The following CSMD1 variants were observed in gnomAD, a reference collection of about 807,000 sequenced individuals.
The protein encoded by CSMD1 is CUB and sushi domain-containing protein 1.
In CSMD1, 213 loss-of-function variants were observed where a neutral mutation model predicts 417.5. The ratio of observed to expected loss-of-function variants is 0.51; its 90% CI spans 0.46 to 0.57. The LOEUF (loss-of-function observed/expected upper bound fraction) is 0.57. Among genes scored for constraint, CSMD1 ranks in the 20% least tolerant of loss-of-function variants. The probability of loss-of-function intolerance (pLI) is 0.00; values close to 1 mark genes in which losing one functional copy is unlikely to be tolerated. For missense variants in CSMD1, 6,923 were observed against 4,529.7 expected, an observed-to-expected ratio of 1.53 and a Z score of -15.17; for synonymous variants, 2,862 against 1,736.8, an observed-to-expected ratio of 1.65 and a Z score of -16.11.
At chr8:3,856,560 T>A (rs1391316698) in intron 5 of CSMD1, among the ~76,000 whole-genome samples, 1 of 152,178 alleles carries the variant, frequency 6.6e-6, no homozygotes, top group Non-Finnish European at 1.5e-5. Flanking sequence ...CATGCGGCAC[T>A]GGGGCCTGAG....
intron 1 of CSMD1, among the ~76,000 whole-genome samples, chr8:4,854,681 C>A (rs1801689461): frequency 6.6e-6 from 1 of 152,116 alleles, no homozygotes; most frequent in Non-Finnish European, 1.5e-5. Context: ...GGGTCACTCC[C>A]ACCCGAATAC....
At chr8:4,068,166 G>A (rs4445244) in intron 3 of CSMD1, among the ~76,000 whole-genome samples, 16,526 of 152,208 alleles carry the variant, frequency 0.11, 1,071 homozygotes, top group Non-Finnish European at 0.15. Flanking sequence ...GTCATTTAGG[G>A]TTTTCTTAGG....
chr8:4,349,262 T>G (rs561110443), intron 3 of CSMD1, among the ~76,000 whole-genome samples: 36 of 152,316 alleles, frequency 2.4e-4, no homozygotes, highest in Non-Finnish European at 4.6e-4. Flanking sequence ...TACAGACCAG[T>G]GGTTTTCAAA....
intron 6 of CSMD1, among the ~76,000 whole-genome samples, chr8:3,709,008 A>G (rs1801339827): frequency 6.6e-6 from 1 of 152,204 alleles, no homozygotes; most frequent in Non-Finnish European, 1.5e-5. Flanking sequence ...TGCTGTAGAT[A>G]AAGTGCTAGA....
At chr8:3,758,638 C>G (rs1797810409) in intron 5 of CSMD1, among the ~76,000 whole-genome samples, 1 of 152,190 alleles carries the variant, frequency 6.6e-6, no homozygotes, top group Admixed American at 6.5e-5. Flanking sequence ...ATTGTGAACT[C>G]TCTAACAACT....
At chr8:3,739,497 T>G (rs1358050925) in intron 6 of CSMD1, among the ~76,000 whole-genome samples, 1 of 152,212 alleles carries the variant, frequency 6.6e-6, no homozygotes, top group Non-Finnish European at 1.5e-5. Context: ...TGTTTCAAAA[T>G]ATCTCTCTGT....
intron 50 of CSMD1, among the ~76,000 whole-genome samples, chr8:3,041,392 G>C (rs562555610): frequency 3.9e-5 from 6 of 151,940 alleles, no homozygotes; most frequent in Non-Finnish European, 5.9e-5. Flanking sequence ...AAGAATCCCA[G>C]GTAATATCAT....
At chr8:4,423,663 A>C (rs1797378668) in intron 2 of CSMD1, among the ~76,000 whole-genome samples, 1 of 152,026 alleles carries the variant, frequency 6.6e-6, no homozygotes, top group Admixed American at 6.6e-5. Flanking sequence ...CACAATTTCC[A>C]CCAAAATCCC....
chr8:4,433,762 T>C (rs1405599882), intron 2 of CSMD1, among the ~76,000 whole-genome samples: 2 of 152,176 alleles, frequency 1.3e-5, no homozygotes, highest in Non-Finnish European at 1.5e-5. Flanking sequence ...TTTATGAATT[T>C]ATAGATGGAG....
rs765074840 is a variant in CSMD1 at position 2,974,563 on chromosome 8, G to A, written c.8628C>T (p.Thr2876=). 2 of 1,613,082 alleles carry A rather than the reference G, an allele frequency of 1.2e-6. No individual in the cohort carries two copies. Among genetic ancestry groups the A allele is most frequent in the Non-Finnish European group, 8.5e-7 (1 of 1,179,496 alleles). ...AGGAGTAGTGCACGACGGCGCCATA[G>A]GTAAACAGCTCTCCAGTGAGGACGG... is the stretch of plus-strand genomic sequence containing the variant. ...ANAVLTGELF[T]YGAVVHYSCR... The change falls in exon 56 of 70, where the codon ACC becomes ACT. Residue 2876 remains threonine, a synonymous_variant. Coordinates refer to ENST00000635120, the MANE Select transcript of CSMD1 (RefSeq NM_033225.6).
chr8:4,404,069 G>C (rs1251953781), intron 3 of CSMD1, among the ~76,000 whole-genome samples: 1 of 152,122 alleles, frequency 6.6e-6, no homozygotes, highest in East Asian at 1.9e-4. Flanking sequence ...CTACGCCAGA[G>C]CTTTTTACGT....
At chr8:4,576,103 C>A (rs548809507) in intron 2 of CSMD1, among the ~76,000 whole-genome samples, 4 of 152,212 alleles carry the variant, frequency 2.6e-5, no homozygotes, top group East Asian at 1.9e-4. Context: ...ACCATTCAAC[C>A]TCCTCTTTAT....
chr8:3,780,694 G>C (rs1158925545), intron 5 of CSMD1, among the ~76,000 whole-genome samples: 3 of 152,192 alleles, frequency 2.0e-5, no homozygotes, highest in African/African-American at 7.2e-5. Flanking sequence ...TCGGCAGAAA[G>C]AGCCCAGCCT....
intron 3 of CSMD1, among the ~76,000 whole-genome samples, chr8:4,192,318 C>T (rs866634709): frequency 2.0e-5 from 3 of 152,168 alleles, no homozygotes; most frequent in Non-Finnish European, 4.4e-5. Flanking sequence ...TACATTGTCC[C>T]ATCAAGCTTC....
chr8:3,744,073 T>A (rs572396125), intron 6 of CSMD1, among the ~76,000 whole-genome samples: 1 of 152,194 alleles, frequency 6.6e-6, no homozygotes, highest in African/African-American at 2.4e-5. Flanking sequence ...GAGAAGGACA[T>A]AGACCTGTCT....
chr8:4,227,880 C>G (rs1285355238), intron 3 of CSMD1, among the ~76,000 whole-genome samples: 1 of 144,576 alleles, frequency 6.9e-6, no homozygotes, highest in African/African-American at 2.6e-5. Flanking sequence ...ATCCTACATT[C>G]AACCCCACAC....
chr8:3,567,045 A>G (rs1417868407), intron 10 of CSMD1, among the ~76,000 whole-genome samples: 1 of 152,246 alleles, frequency 6.6e-6, no homozygotes, highest in African/African-American at 2.4e-5. Flanking sequence ...TCGATGGTAG[A>G]CTGGATAAAG....
At chr8:4,850,766 C>T (rs1314945037) in intron 1 of CSMD1, among the ~76,000 whole-genome samples, 1 of 151,956 alleles carries the variant, frequency 6.6e-6, no homozygotes, top group Non-Finnish European at 1.5e-5. Context: ...TTCTTTCAAC[C>T]CCAAACCTAG....
At chr8:4,288,225 C>G (rs894738558) in intron 3 of CSMD1, among the ~76,000 whole-genome samples, 2 of 152,140 alleles carry the variant, frequency 1.3e-5, no homozygotes, top group African/African-American at 4.8e-5. Context: ...CACTCAGGGC[C>G]TGGCAGTGCT....
Sources: allele counts gnomAD v4.1 joint callset (sites outside exome capture counted in the v4.1 genomes callset), GRCh38; gene constraint gnomAD v4.1.1; transcripts MANE v1.5; gene names NCBI Gene and HGNC (gene_info 2026-07-23, HGNC 2026-07-21).